Variants in LIN7A observed in about 807,000 individuals in gnomAD.
The protein encoded by LIN7A is lin-7 cell polarity scaffold A.
In LIN7A, 25 loss-of-function variants were observed where a neutral mutation model predicts 29.8. The ratio of observed to expected loss-of-function variants is 0.84; its 90% CI spans 0.61 to 1.17. The LOEUF (loss-of-function observed/expected upper bound fraction) is 1.17. LIN7A is among the 50% of genes most tolerant of loss of function. The pLI is 0.00. For missense variants in LIN7A, 239 were observed against 287.0 expected (o/e 0.83, Z 1.21); for synonymous variants, 118 against 107.5 (o/e 1.10, Z -0.60).
At chr12:80,915,065 A>G (rs1198157761) in intron 1 of LIN7A, among the ~76,000 whole-genome samples, 1 of 151,894 alleles carries the variant, frequency 6.6e-6, no homozygotes, top group Admixed American at 6.6e-5. Flanking sequence ...TAAACAGACA[A>G]CTTACAGAAT....
intron 4 of LIN7A, among the ~76,000 whole-genome samples, chr12:80,837,628 T>TTTTAAACAA (rs1555223507): frequency 6.6e-6 from 1 of 152,178 alleles, no homozygotes; most frequent in Non-Finnish European, 1.5e-5. Flanking sequence ...TCCAGGGCTG[T>TTTTAAACAA]GAGATAATAC....
At chr12:80,806,188 AC>A (rs1870979213) in intron 5 of LIN7A, among the ~76,000 whole-genome samples, 1 of 152,082 alleles carries the variant, frequency 6.6e-6, no homozygotes, top group South Asian at 2.1e-4. Context: ...GGTTTTGGGT[AC>A]ATTTTTATCG....
At chr12:80,846,044 T>G in intron 3 of LIN7A, 105 bp from the exon 4 acceptor site, 3 of 946,376 alleles carry the variant, frequency 3.2e-6, no homozygotes, top group Non-Finnish European at 4.5e-6. Flanking sequence ...CATATTTTTA[T>G]AGTATTCTCC....
At chr12:80,805,779 G>C (rs1484605620) in intron 5 of LIN7A, among the ~76,000 whole-genome samples, 2 of 151,914 alleles carry the variant, frequency 1.3e-5, no homozygotes, top group Non-Finnish European at 2.9e-5. Context: ...GGGACCCAGG[G>C]GGAGGTAATT....
intron 4 of LIN7A, among the ~76,000 whole-genome samples, chr12:80,825,668 A>C (rs1457910923): frequency 2.0e-5 from 3 of 152,174 alleles, no homozygotes; most frequent in Non-Finnish European, 4.4e-5. Context: ...ACATCATCCT[A>C]TCTCCTCTTC....
chr12:80,871,925 C>T (rs1345598352), intron 2 of LIN7A, among the ~76,000 whole-genome samples: 1 of 151,924 alleles, frequency 6.6e-6, no homozygotes, highest in Non-Finnish European at 1.5e-5. Flanking sequence ...TCACTGTTAG[C>T]TCATTATGCC....
chr12:80,833,729 C>T (rs1048735032), intron 4 of LIN7A, among the ~76,000 whole-genome samples: 1 of 152,290 alleles, frequency 6.6e-6, no homozygotes, highest in South Asian at 2.1e-4. Context: ...GTCTAGAATG[C>T]CCTCCATCAA....
intron 1 of LIN7A, among the ~76,000 whole-genome samples, chr12:80,931,210 TGAC>T (rs1877883485): frequency 6.6e-6 from 1 of 152,206 alleles, no homozygotes; most frequent in Non-Finnish European, 1.5e-5. Flanking sequence ...ATTTCATAAC[TGAC>T]AGGAGCACAC....
chr12:80,892,459 A>G (rs887163323), intron 1 of LIN7A, among the ~76,000 whole-genome samples: 2 of 152,192 alleles, frequency 1.3e-5, no homozygotes, highest in Non-Finnish European at 2.9e-5. Context: ...GAAAAAGGCA[A>G]GCCTAAATCT....
chr12:80,807,082 T>TGTTTGTTTG (rs1565883912), intron 5 of LIN7A, among the ~76,000 whole-genome samples: 1 of 134,584 alleles, frequency 7.4e-6, no homozygotes, highest in Non-Finnish European at 1.6e-5. Flanking sequence ...TTTTTTTTTT[T>TGTTTGTTTG]TTTTTTTTTG....
chr12:80,795,181 G>A lies in LIN7A; in HGVS notation c.*2546C>T, dbSNP rs1870391083. 2 of 152,108 alleles carry A rather than the reference G, an allele frequency of 1.3e-5. No homozygotes were observed. The highest frequency in any genetic ancestry group is 4.1e-4 in the South Asian group (2 of 4,820). The allele number at this position is 152,108 out of a possible 1,614,324, so 9.4% of individuals were successfully genotyped here. On this transcript the variant is annotated 3_prime_UTR_variant, in exon 6 of 6. Transcript: ENST00000552864. Reference sequence around the variant, plus strand: ...GAAGATAATTAGTATAATACAAGTTGTGGTAATTTCCTTCTTCTGGCTTCA... The same window carrying A: ...GAAGATAATTAGTATAATACAAGTTATGGTAATTTCCTTCTTCTGGCTTCA...
chr12:80,934,974 G>A (rs539761560), intron 1 of LIN7A, among the ~76,000 whole-genome samples: 2 of 152,276 alleles, frequency 1.3e-5, no homozygotes, highest in African/African-American at 4.8e-5. Flanking sequence ...AAGCTAGGTT[G>A]AGAATCTCTG....
At chr12:80,916,599 C>T (rs985464542) in intron 1 of LIN7A, among the ~76,000 whole-genome samples, 1 of 152,172 alleles carries the variant, frequency 6.6e-6, no homozygotes, top group South Asian at 2.1e-4. Flanking sequence ...GTTGTATTCA[C>T]TGCTGCAGTC....
At chr12:80,895,127 G>A (rs563754142) in intron 1 of LIN7A, among the ~76,000 whole-genome samples, 7 of 152,272 alleles carry the variant, frequency 4.6e-5, no homozygotes, top group African/African-American at 7.2e-5. Flanking sequence ...ACTGCCGAAA[G>A]CCTCATATTA....
chr12:80,927,996 T>C (rs551572413), intron 1 of LIN7A, among the ~76,000 whole-genome samples: 1 of 152,266 alleles, frequency 6.6e-6, no homozygotes, highest in South Asian at 2.1e-4. Flanking sequence ...CTGAGAATGA[T>C]GGTTTCCAGC....
intron 2 of LIN7A, among the ~76,000 whole-genome samples, chr12:80,877,827 C>T (rs1030056102): frequency 8.7e-5 from 13 of 148,990 alleles, no homozygotes; most frequent in African/African-American, 3.2e-4. Context: ...TTGTTGGCAA[C>T]ATTCAAGCAA....
chr12:80,882,685 A>G (rs1357999208), intron 2 of LIN7A, among the ~76,000 whole-genome samples: 2 of 152,098 alleles, frequency 1.3e-5, no homozygotes, highest in East Asian at 1.9e-4. Flanking sequence ...GTGATTCTTA[A>G]CTATTATTTC....
chr12:80,868,688 G>C (rs1295969804), intron 2 of LIN7A, among the ~76,000 whole-genome samples: 1 of 152,186 alleles, frequency 6.6e-6, no homozygotes, highest in Non-Finnish European at 1.5e-5. Flanking sequence ...TCAGGTCAAA[G>C]TTTTCAGGAA....
chr12:80,884,390 C>T (rs1592923562), intron 2 of LIN7A, among the ~76,000 whole-genome samples: 1 of 152,246 alleles, frequency 6.6e-6, no homozygotes, highest in East Asian at 1.9e-4. Flanking sequence ...ATTTCTTGCT[C>T]AGACTACATG....
Sources: gnomAD v4.1 joint callset for allele counts (sites outside exome capture counted in the v4.1 genomes callset) on GRCh38, gnomAD v4.1.1 for gene constraint, MANE v1.5 for transcripts, NCBI Gene and HGNC (gene_info 2026-07-23, HGNC 2026-07-21) for gene names.